The following FRMPD2 variants were observed in gnomAD, a reference collection of about 807,000 sequenced individuals.
The protein encoded by FRMPD2 is FERM and PDZ domain-containing protein 2.
Under a neutral mutation model 140.1 loss-of-function variants are expected in FRMPD2, and 96 were observed. The ratio of observed to expected loss-of-function variants is 0.69; its 90% CI spans 0.58 to 0.81. The LOEUF (loss-of-function observed/expected upper bound fraction) is 0.81, where lower values mean the gene tolerates loss of function less well. FRMPD2 is among the 40% of genes least tolerant of loss of function. The pLI, the probability that FRMPD2 is intolerant of heterozygous loss-of-function variation, is 0.00. For synonymous variants in FRMPD2, 449 were observed against 547.6 expected, an observed-to-expected ratio of 0.82 and a Z score of 2.52; for missense variants, 1,240 against 1,447.4, an observed-to-expected ratio of 0.86 and a Z score of 2.32.
At chr10:48,253,910 A>G (rs187753549) in intron 1 of FRMPD2, among the ~76,000 whole-genome samples, 1 of 152,310 alleles carries the variant, frequency 6.6e-6, no homozygotes, top group East Asian at 1.9e-4. Flanking sequence ...GGGTTTGCCA[A>G]TCAAGCACCC....
intron 1 of FRMPD2, among the ~76,000 whole-genome samples, chr10:48,260,667 A>G (rs1317434633): frequency 6.6e-6 from 1 of 152,222 alleles, no homozygotes; most frequent in African/African-American, 2.4e-5. Flanking sequence ...CCAGATAATC[A>G]TAAATGCTCT....
Position 48,239,626 on chromosome 10 carries a change from T to C in FRMPD2, c.767A>G (p.His256Arg), listed in dbSNP as rs755096528. The change falls in exon 7 of 29, where the codon CAC (histidine) becomes CGC (arginine). Residue 256 changes from histidine (H) to arginine (R), a missense_variant. Physicochemically the swap from His to Arg is conservative, Grantham distance 29 (BLOSUM62 0). Transcript: ENST00000374201. Reference sequence around the variant, plus strand: ...TTACCGGTTAACAAGGAGGCTGCAGTGACTGTGTGTCAAGGTGCTCCAATG... The same window carrying C: ...TTACCGGTTAACAAGGAGGCTGCAGCGACTGTGTGTCAAGGTGCTCCAATG... ...EPHWSTLTHS[H>R]CSLLVNRALP... 2 of 1,614,126 alleles carry C rather than the reference T, an allele frequency of 1.2e-6. No individual in the cohort carries two copies. The highest frequency in any genetic ancestry group is 1.7e-6 in the Non-Finnish European group (2 of 1,179,962).
intron 12 of FRMPD2, among the ~76,000 whole-genome samples, chr10:48,219,056 G>A (rs893611883): frequency 5.3e-5 from 8 of 152,090 alleles, no homozygotes; most frequent in Non-Finnish European, 1.2e-4. Context: ...GGAACTCTAG[G>A]GGGTTGGTAC....
intron 20 of FRMPD2, among the ~76,000 whole-genome samples, chr10:48,181,304 A>G (rs1416481704): frequency 6.6e-6 from 1 of 152,294 alleles, no homozygotes; most frequent in Non-Finnish European, 1.5e-5. Context: ...TGTGATGGGC[A>G]CCTTAGATAT....
intron 12 of FRMPD2, among the ~76,000 whole-genome samples, chr10:48,220,527 G>A (rs1839559396): frequency 6.6e-6 from 1 of 152,158 alleles, no homozygotes; most frequent in African/African-American, 2.4e-5. Flanking sequence ...TATTGGCTTA[G>A]ACAAAGACTT....
intron 10 of FRMPD2, among the ~76,000 whole-genome samples, chr10:48,226,423 A>T (rs140417476): frequency 3.3e-5 from 5 of 152,310 alleles, no homozygotes; most frequent in Non-Finnish European, 7.4e-5. Context: ...CCACCAAGTC[A>T]TTTTTTAATA....
chr10:48,202,525 C>G (rs941711542), intron 14 of FRMPD2, among the ~76,000 whole-genome samples: 1 of 152,170 alleles, frequency 6.6e-6, no homozygotes, highest in Admixed American at 6.5e-5. Context: ...AGTGCTAAGC[C>G]TCCTTGTGCT....
At chr10:48,206,698 A>G in intron 14 of FRMPD2, 50 bp downstream of exon 14, 1 of 1,521,622 alleles carries the variant, frequency 6.6e-7, no homozygotes, top group Admixed American at 1.7e-5. Flanking sequence ...ACGGCCAACA[A>G]ATCAAAGGAA....
At chr10:48,261,089 T>C (rs1472995062) in intron 1 of FRMPD2, among the ~76,000 whole-genome samples, 4 of 152,030 alleles carry the variant, frequency 2.6e-5, no homozygotes, top group Non-Finnish European at 5.9e-5. Flanking sequence ...AGTAGAAACT[T>C]CCCAAATGGA....
At chr10:48,177,251 G>T (rs1293962228) in intron 22 of FRMPD2, 1 of 151,670 alleles carries the variant, frequency 6.6e-6, no homozygotes, top group Non-Finnish European at 1.5e-5. Context: ...GGGACTACAG[G>T]TGCCCGCTAT....
At chr10:48,248,861 T>A in intron 3 of FRMPD2, 160 bp downstream of exon 3, 1 of 527,648 alleles carries the variant, frequency 1.9e-6, no homozygotes, top group Non-Finnish European at 3.2e-6. Flanking sequence ...AGTAAGTTGT[T>A]GACAAGAAAT....
At chr10:48,248,944 G>A (rs1486516548) in intron 3 of FRMPD2, 77 bp downstream of exon 3, 1 of 1,340,946 alleles carries the variant, frequency 7.5e-7, no homozygotes, top group African/African-American at 1.5e-5. Context: ...TGAGCTGGGA[G>A]CTGGGGAGGC....
At position 48,242,152 on chromosome 10, in the gene FRMPD2, T is replaced by C; in HGVS notation, c.567+9A>G. 1 of 1,597,388 alleles carries C rather than the reference T, an allele frequency of 6.3e-7. No homozygotes were observed. Among genetic ancestry groups the C allele is most frequent in the Non-Finnish European group, 8.5e-7 (1 of 1,169,998 alleles). ...AGCTACTGCTTGAAAAGCACGGTTC[T>C]CTACTGACCTCAGAAATGGTACCCA... is the stretch of plus-strand genomic sequence containing the variant. On this transcript the variant is annotated intron_variant, in intron 5 of 28. Transcript: ENST00000374201.
chr10:48,194,053 A>G (rs945467783), intron 15 of FRMPD2, among the ~76,000 whole-genome samples: 29 of 152,222 alleles, frequency 1.9e-4, no homozygotes, highest in African/African-American at 6.8e-4. Context: ...ATAGTATCTT[A>G]CTCCATACAG....
At chr10:48,210,557 G>A (rs1034616889) in intron 13 of FRMPD2, among the ~76,000 whole-genome samples, 1 of 152,156 alleles carries the variant, frequency 6.6e-6, no homozygotes, top group Non-Finnish European at 1.5e-5. Flanking sequence ...TCTAGATTGG[G>A]TTCTGCAGTT....
chr10:48,161,355 C>G (rs1393897966), intron 28 of FRMPD2, among the ~76,000 whole-genome samples: 5 of 149,838 alleles, frequency 3.3e-5, no homozygotes, highest in Non-Finnish European at 5.9e-5. Context: ...TAATTTGGTT[C>G]AGAAAAACAG....
At chr10:48,245,651 C>A (rs1242303824) in intron 3 of FRMPD2, among the ~76,000 whole-genome samples, 1 of 151,994 alleles carries the variant, frequency 6.6e-6, no homozygotes, top group Non-Finnish European at 1.5e-5. Flanking sequence ...AGTCTTTTAC[C>A]CATATAAACT....
At chr10:48,188,912 C>T (rs146671522) in intron 16 of FRMPD2, among the ~76,000 whole-genome samples, 50 of 152,246 alleles carry the variant, frequency 3.3e-4, no homozygotes, top group African/African-American at 8.2e-4. Context: ...AGGAGGAGCA[C>T]GGCAGCGGCC....
At chr10:48,256,700 C>G (rs1054366953) in intron 1 of FRMPD2, among the ~76,000 whole-genome samples, 2 of 152,194 alleles carry the variant, frequency 1.3e-5, no homozygotes, top group Non-Finnish European at 2.9e-5. Context: ...CCAAGGGAAG[C>G]AGAGGAGGCC....
Sources: gnomAD v4.1 joint callset for allele counts (sites outside exome capture counted in the v4.1 genomes callset) on GRCh38, gnomAD v4.1.1 for gene constraint, MANE v1.5 for transcripts, NCBI Gene and HGNC (gene_info 2026-07-23, HGNC 2026-07-21) for gene names.